The following CEP128 variants were observed in gnomAD, a reference collection of about 807,000 sequenced individuals.
The protein encoded by CEP128 is centrosomal protein 128, also known as centrosomal protein 128kDa.
In CEP128, 132 loss-of-function variants were observed where a neutral mutation model predicts 156.7. The ratio of observed to expected loss-of-function variants is 0.84; its 90% CI spans 0.73 to 0.97. The LOEUF (loss-of-function observed/expected upper bound fraction) is 0.97, where lower values mean the gene tolerates loss of function less well. CEP128 is among the 50% of genes least tolerant of loss of function. CEP128 has a pLI of 0.00. For missense variants in CEP128, 1,252 were observed against 1,281.9 expected (o/e 0.98, Z 0.36); for synonymous variants, 469 against 448.9 (o/e 1.04, Z -0.57).
At chr14:80,685,062 A>T (rs1327086560) in intron 19 of CEP128, among the ~76,000 whole-genome samples, 11 of 151,974 alleles carry the variant, frequency 7.2e-5, no homozygotes, top group African/African-American at 2.7e-4. Context: ...CACTCTCACC[A>T]CTCCTATTCA....
At chr14:80,943,638 A>G (rs1018943699), upstream of CEP128, among the ~76,000 whole-genome samples, 2 of 152,234 alleles carry the variant, frequency 1.3e-5, no homozygotes, top group East Asian at 1.9e-4. Flanking sequence ...TACTAAATTC[A>G]TAGCAGCTGT....
At chr14:80,656,311 A>ATT (rs1216993570) in intron 19 of CEP128, among the ~76,000 whole-genome samples, 297 of 16,326 alleles carry the variant, frequency 0.018, 16 homozygotes, top group African/African-American at 0.071. Flanking sequence ...ATATATATAT[A>ATT]TATATATATA....
chr14:80,938,242 A>G (rs1885934576), intron 2 of CEP128, among the ~76,000 whole-genome samples: 1 of 109,980 alleles, frequency 9.1e-6, no homozygotes, highest in African/African-American at 3.3e-5. Context: ...ACACAGTGTT[A>G]GTATTTTTTT....
At chr14:80,831,374 T>C (rs1595469903) in intron 12 of CEP128, 80 bp from the exon 13 acceptor site, 1 of 1,382,258 alleles carries the variant, frequency 7.2e-7, no homozygotes, top group South Asian at 1.3e-5. Flanking sequence ...TGAGCCCTGA[T>C]GTTTCAATAT....
intron 13 of CEP128, among the ~76,000 whole-genome samples, chr14:80,827,243 CAT>C (rs1292653302): frequency 2.0e-5 from 3 of 151,996 alleles, no homozygotes; most frequent in Non-Finnish European, 4.4e-5. Context: ...AAAGAAAAAA[CAT>C]AAATTTTTTA....
At chr14:80,861,029 C>G (rs1393783433) in intron 9 of CEP128, among the ~76,000 whole-genome samples, 6 of 151,780 alleles carry the variant, frequency 4.0e-5, no homozygotes, top group Non-Finnish European at 8.8e-5. Flanking sequence ...CAACAATATT[C>G]TAAAATGATA....
rs1424840179 is a variant in CEP128 at position 80,743,232 on chromosome 14, C to T, written c.2649G>A (p.Glu883=). 1 of 1,613,356 alleles carries T rather than the reference C, an allele frequency of 6.2e-7. No homozygotes were observed. The highest frequency in any genetic ancestry group is 1.1e-5 in the South Asian group (1 of 91,072). Residue 883 remains glutamate (E), a synonymous_variant, in exon 19 of 25, where the codon GAG becomes GAA. Transcript: ENST00000555265. ...GCAGATTTTTCTCTCTGTTTTCTCTCTCTTTCAGTTCCTCACAGAGCCACT... is the reference window on the plus strand; with the variant it reads ...GCAGATTTTTCTCTCTGTTTTCTCTTTCTTTCAGTTCCTCACAGAGCCACT... ...KLQWLCEELK[E]RENREKNLRH...
chr14:80,672,438 C>T (rs1368394767), intron 19 of CEP128, among the ~76,000 whole-genome samples: 1 of 151,912 alleles, frequency 6.6e-6, no homozygotes, highest in African/African-American at 2.4e-5. Flanking sequence ...TAAAATGCAG[C>T]CAAAAAGTTA....
chr14:80,830,932 C>T, intron 13 of CEP128: 1 of 471,432 alleles, frequency 2.1e-6, no homozygotes, highest in Non-Finnish European at 3.7e-6. Flanking sequence ...GAAAATCATC[C>T]AGGTTCCTGG....
chr14:80,682,636 T>C (rs767270046), intron 19 of CEP128, among the ~76,000 whole-genome samples: 3 of 152,070 alleles, frequency 2.0e-5, no homozygotes, highest in Non-Finnish European at 4.4e-5. Context: ...TCAAGGAATA[T>C]AGTCAGCAGG....
chr14:80,680,785 C>T (rs1896289303), intron 19 of CEP128, among the ~76,000 whole-genome samples: 1 of 152,174 alleles, frequency 6.6e-6, no homozygotes. Flanking sequence ...CCTCTAGTTG[C>T]TTGGTGACCA....
chr14:80,833,981 G>A (rs17111154), intron 12 of CEP128, among the ~76,000 whole-genome samples: 40 of 152,236 alleles, frequency 2.6e-4, no homozygotes, highest in African/African-American at 9.4e-4. Context: ...TTGAGGAGAC[G>A]ATGAATTCAG....
chr14:80,758,749 T>C (rs992342050), intron 17 of CEP128, among the ~76,000 whole-genome samples: 5 of 152,132 alleles, frequency 3.3e-5, no homozygotes, highest in African/African-American at 1.2e-4. Flanking sequence ...TACAAAATAA[T>C]GATAGGTAAC....
At chr14:80,533,243 T>A (rs1375888240) in intron 21 of CEP128, among the ~76,000 whole-genome samples, 1 of 152,192 alleles carries the variant, frequency 6.6e-6, no homozygotes, top group African/African-American at 2.4e-5. Flanking sequence ...AATGCCCTGA[T>A]GATTTTAAAT....
At chr14:80,643,566 C>T (rs929898673) in intron 19 of CEP128, among the ~76,000 whole-genome samples, 1 of 151,986 alleles carries the variant, frequency 6.6e-6, no homozygotes, top group Non-Finnish European at 1.5e-5. Flanking sequence ...AAAAATTAGT[C>T]GGGTGCAGCG....
At chr14:80,602,777 A>G (rs1011104459) in intron 19 of CEP128, among the ~76,000 whole-genome samples, 3 of 152,140 alleles carry the variant, frequency 2.0e-5, no homozygotes, top group Non-Finnish European at 2.9e-5. Context: ...GTCTCAAAAA[A>G]TAAAAATAAA....
intron 19 of CEP128, among the ~76,000 whole-genome samples, chr14:80,731,453 C>G (rs915701941): frequency 3.3e-5 from 5 of 152,132 alleles, no homozygotes; most frequent in Non-Finnish European, 5.9e-5. Context: ...ATATTAGGTT[C>G]CTTCATTTCC....
At chr14:80,516,805 G>A (rs1219033169) in intron 23 of CEP128, among the ~76,000 whole-genome samples, 1 of 152,182 alleles carries the variant, frequency 6.6e-6, no homozygotes, top group Non-Finnish European at 1.5e-5. Context: ...CCACGTGGCT[G>A]CTGCCAGAAG....
intron 19 of CEP128, among the ~76,000 whole-genome samples, chr14:80,582,206 A>C (rs939634506): frequency 6.6e-6 from 1 of 152,190 alleles, no homozygotes; most frequent in Non-Finnish European, 1.5e-5. Flanking sequence ...TGGGAGCCCA[A>C]CTAAGACCAG....
Sources: allele counts gnomAD v4.1 joint callset (sites outside exome capture counted in the v4.1 genomes callset), GRCh38; gene constraint gnomAD v4.1.1; transcripts MANE v1.5; gene names NCBI Gene and HGNC (gene_info 2026-07-23, HGNC 2026-07-21).